IGF1R: variants seen among roughly 807,000 people sequenced by gnomAD.
IGF1R encodes insulin-like growth factor 1 receptor.
A neutral mutation model predicts 144.6 loss-of-function variants in IGF1R; 44 were observed. The observed-to-expected ratio is 0.30, with a 90% CI of 0.24 to 0.39. IGF1R has a LOEUF of 0.39. Among genes scored for constraint, IGF1R ranks in the 10% least tolerant of loss-of-function variants. The pLI is 1.00. For synonymous variants in IGF1R, 795 were observed against 722.8 expected, an observed-to-expected ratio of 1.10 and a Z score of -1.60; for missense variants, 1,355 against 1,833.7, an observed-to-expected ratio of 0.74 and a Z score of 4.77.
At chr15:98,741,766 T>C (rs2054751653) in intron 2 of IGF1R, among the ~76,000 whole-genome samples, 1 of 152,180 alleles carries the variant, frequency 6.6e-6, no homozygotes, top group African/African-American at 2.4e-5. Flanking sequence ...AGACATAAAA[T>C]CAAGTCTTGG....
In IGF1R at chr15:98,705,784, A is replaced by G. The variant is rs548617901; in HGVS notation, c.95-1778A>G. Among the ~76,000 whole-genome samples the G allele has an allele frequency of 5.9e-5, 9 of 152,336 alleles. No individual in the cohort carries two copies. The South Asian group carries it at 1.9e-3, about 32-fold the overall frequency. On this transcript the variant is annotated intron_variant, in intron 1 of 20. Coordinates refer to ENST00000650285, the MANE Select transcript of IGF1R (RefSeq NM_000875.5). ...CCAGATTAATCCTGCAAAAGGCCTC[A>G]CATGGGCTTCTCTCCCGCTCAGGAG... is the stretch of plus-strand genomic sequence containing the variant.
At chr15:98,854,734 C>T (rs1280682993) in intron 2 of IGF1R, among the ~76,000 whole-genome samples, 1 of 152,094 alleles carries the variant, frequency 6.6e-6, no homozygotes. Flanking sequence ...TCAGATAAGT[C>T]GGGGGAATAG....
chr15:98,829,208 T>C (rs1476275446), intron 2 of IGF1R, among the ~76,000 whole-genome samples: 2 of 152,222 alleles, frequency 1.3e-5, no homozygotes, highest in African/African-American at 4.8e-5. Flanking sequence ...AAGACTATTT[T>C]TGCTAGATTC....
rs567405313 is a variant in IGF1R, at chr15:98,961,441, A to G, written c.*3999A>G. ...ACTTGGCTTGTGTGATGGTGCAGTC[A>G]CTTTACTGGACCAACCCACCCACCT... On this transcript the variant is annotated 3_prime_UTR_variant, in exon 21 of 21. Coordinates refer to ENST00000650285, the MANE Select transcript of IGF1R (RefSeq NM_000875.5). 178 of 233,492 alleles carry G rather than the reference A, an allele frequency of 7.6e-4. No individual in the cohort carries two copies. The highest frequency in any genetic ancestry group is 1.3e-3 in the Non-Finnish European group (152 of 118,036). The allele number at this position is 233,492 out of a possible 1,614,324, so 14.5% of individuals were successfully genotyped here.
intron 2 of IGF1R, among the ~76,000 whole-genome samples, chr15:98,840,420 A>T (rs1238541223): frequency 1.3e-5 from 2 of 152,200 alleles, no homozygotes; most frequent in Non-Finnish European, 2.9e-5. Flanking sequence ...AGAAGAAAAG[A>T]CAGGGAGGAG....
At chr15:98,790,430 C>T (rs925463577) in intron 2 of IGF1R, among the ~76,000 whole-genome samples, 2 of 152,206 alleles carry the variant, frequency 1.3e-5, no homozygotes, top group Non-Finnish European at 2.9e-5. Context: ...CTCATGAAAG[C>T]ATGTCTGGGG....
intron 1 of IGF1R, among the ~76,000 whole-genome samples, chr15:98,698,495 G>T (rs11632057): frequency 0.11 from 16,571 of 152,298 alleles, 1,619 homozygotes; most frequent in African/African-American, 0.26. Context: ...ACTTTCTGCT[G>T]TCTCCGTGAG....
At chr15:98,939,160 A>T in intron 17 of IGF1R, 41 bp from the exon 18 acceptor site, 1 of 1,588,136 alleles carries the variant, frequency 6.3e-7, no homozygotes, top group Non-Finnish European at 8.6e-7. Context: ...GGAAAAAAAA[A>T]ATCCAAAATT....
At chr15:98,775,223 C>T (rs1388376538) in intron 2 of IGF1R, among the ~76,000 whole-genome samples, 1 of 152,208 alleles carries the variant, frequency 6.6e-6, no homozygotes, top group Non-Finnish European at 1.5e-5. Context: ...ACCATTGCCT[C>T]GTTCCCCCCA....
intron 2 of IGF1R, among the ~76,000 whole-genome samples, chr15:98,730,341 G>A (rs569364860): frequency 2.0e-5 from 3 of 152,120 alleles, no homozygotes; most frequent in Admixed American, 2.0e-4. Context: ...CTTCTTGTCT[G>A]ACACAGCACT....
rs772850900 is a variant in IGF1R at position 98,708,130 on chromosome 15, C to T, written c.640+23C>T. 26 of 1,596,156 alleles carry T rather than the reference C, an allele frequency of 1.6e-5. 1 individual carries two copies. Among genetic ancestry groups the T allele is most frequent in the South Asian group, 1.5e-4 (14 of 90,618 alleles). Reference sequence around the variant, plus strand: ...AAAGTAAGAATGATGCTGACTGCTGCTTTCTCTCTGCCTCTCTCTCTCCTC... The same window carrying T: ...AAAGTAAGAATGATGCTGACTGCTGTTTTCTCTCTGCCTCTCTCTCTCCTC... On this transcript the variant is annotated intron_variant, in intron 2 of 20. Coordinates refer to ENST00000650285, the MANE Select transcript of IGF1R (RefSeq NM_000875.5).
chr15:98,924,059 G>T, intron 12 of IGF1R, 47 bp downstream of exon 12: 1 of 1,568,826 alleles, frequency 6.4e-7, no homozygotes, highest in South Asian at 1.1e-5. Flanking sequence ...TCCATCCATT[G>T]ACAGCATATG....
chr15:98,899,902 G>A (rs1474101750), intron 5 of IGF1R, among the ~76,000 whole-genome samples: 4 of 152,130 alleles, frequency 2.6e-5, no homozygotes, highest in East Asian at 3.9e-4. Context: ...GACGGCAGAC[G>A]GGGGTGCGCT....
At chr15:98,867,106 G>A (rs2012491393) in intron 2 of IGF1R, among the ~76,000 whole-genome samples, 1 of 151,812 alleles carries the variant, frequency 6.6e-6, no homozygotes, top group Admixed American at 6.6e-5. Context: ...TAATCTAACG[G>A]AGGGATTGTA....
rs1413077368 is a variant in IGF1R, at chr15:98,957,107, C to T, written c.3769C>T (p.Pro1257Ser). 4 of 1,614,188 alleles carry T rather than the reference C, an allele frequency of 2.5e-6. No individual in the cohort carries two copies. Among genetic ancestry groups the T allele is most frequent in the East Asian group, 2.2e-5 (1 of 44,886 alleles). ...CTGGCAGTATAACCCCAAGATGAGGCCTTCCTTCCTGGAGATCATCAGCAG... is the reference window on the plus strand; with the variant it reads ...CTGGCAGTATAACCCCAAGATGAGGTCTTCCTTCCTGGAGATCATCAGCAG... ...MCWQYNPKMRPSFLEIISSIK... is the reference protein window; with the variant it reads ...MCWQYNPKMRSSFLEIISSIK... Residue 1257 changes from proline to serine, a missense_variant, in exon 21 of 21, where the codon CCT becomes TCT. By Grantham distance (74) the Pro-to-Ser change is moderately conservative. Around this residue, in one of 7 missense-constraint regions of IGF1R, gnomAD observed 219 missense variants for 188.8 expected, o/e 1.16. Transcript: ENST00000650285.
chr15:98,920,979 C>T (rs149159442), intron 10 of IGF1R, among the ~76,000 whole-genome samples: 23 of 152,350 alleles, frequency 1.5e-4, no homozygotes, highest in Middle Eastern at 6.8e-3. Context: ...CCGTTCCCTG[C>T]GTGAGCTTTC....
intron 2 of IGF1R, among the ~76,000 whole-genome samples, chr15:98,854,431 A>C (rs8034273): frequency 0.02 from 3,120 of 152,284 alleles, 113 homozygotes; most frequent in African/African-American, 0.071. Flanking sequence ...TCCTGGGCTC[A>C]TGAGGTGCCT....
chr15:98,910,195 C>T (rs2014947446), intron 6 of IGF1R, among the ~76,000 whole-genome samples: 1 of 152,170 alleles, frequency 6.6e-6, no homozygotes. Context: ...AGCGCCGCCT[C>T]CCGCCCCCTG....
At chr15:98,734,119 T>C (rs1360124822) in intron 2 of IGF1R, among the ~76,000 whole-genome samples, 4 of 152,222 alleles carry the variant, frequency 2.6e-5, no homozygotes, top group Admixed American at 2.6e-4. Flanking sequence ...ATTATTTTCA[T>C]TTGAAATTGT....
Sources: gnomAD v4.1 joint callset for allele counts (sites outside exome capture counted in the v4.1 genomes callset) on GRCh38, gnomAD v4.1.1 for gene constraint, gnomAD v4.1.1 regional missense constraint, MANE v1.5 for transcripts, NCBI Gene and HGNC (gene_info 2026-07-23, HGNC 2026-07-21) for gene names.